BRCC3: variants seen among roughly 807,000 people sequenced by gnomAD.
The protein encoded by BRCC3 is BRCA1/BRCA2-containing complex subunit 3.
BRCC3 carries 15 observed loss-of-function variants against 28.0 expected under a neutral mutation model. The ratio of observed to expected loss-of-function variants is 0.54; its 90% confidence interval spans 0.36 to 0.82. The LOEUF is 0.82. Ranked by LOEUF, BRCC3 falls within the 40% of genes least tolerant of loss-of-function variation. BRCC3 has a pLI of 0.01. For synonymous variants in BRCC3, 66 were observed against 80.3 expected (o/e 0.82, Z 0.95); for missense variants, 109 against 225.9 (o/e 0.48, Z 3.32).
Position 155,121,278 on chromosome X carries a change from A to G in BRCC3, c.*74A>G, listed in dbSNP as rs183710691. 5 of 112,388 alleles carry G rather than the reference A, an allele frequency of 4.4e-5. No homozygotes were observed. In the East Asian group the frequency reaches 1.4e-3, roughly 31 times the overall value. The allele number at this position is 112,388 out of a possible 1,213,427, so 9.3% of individuals were successfully genotyped here. ...TTAAGCTAAATCAATTTCAAAGAAG[A>G]AAAACTTGGAGGACTCATTTTACCT... On this transcript the variant is annotated 3_prime_UTR_variant, in exon 11 of 11. Coordinates refer to ENST00000330045, the MANE Select transcript of BRCC3 (RefSeq NM_001018055.3).
chrX:155,099,507 C>T (rs1389697677), intron 7 of BRCC3: 2 of 1,013,839 alleles, frequency 2.0e-6, no homozygotes, highest in Non-Finnish European at 2.6e-6. Context: ...AGTCAAGTGG[C>T]CATACCTAAG....
chrX:155,107,078 T>C (rs782522649), intron 7 of BRCC3, among the ~76,000 whole-genome samples: 114 of 111,558 alleles, frequency 1.0e-3, no homozygotes, highest in Non-Finnish European at 1.6e-3. Flanking sequence ...GAAACACTGA[T>C]TTTTATTTAG....
At chrX:155,093,657 C>T (rs1364867773) in intron 7 of BRCC3, among the ~76,000 whole-genome samples, 10 of 106,630 alleles carry the variant, frequency 9.4e-5, no homozygotes, top group African/African-American at 3.4e-4. Flanking sequence ...ACTGGTGATG[C>T]TTCCTCTCTC....
chrX:155,107,381 G>A (rs2074291644), intron 7 of BRCC3, among the ~76,000 whole-genome samples: 1 of 108,288 alleles, frequency 9.2e-6, no homozygotes, highest in Non-Finnish European at 1.9e-5. Context: ...TTTCAATTTG[G>A]TATCATGGTG....
intron 5 of BRCC3, among the ~76,000 whole-genome samples, chrX:155,080,381 C>G (rs782307633): frequency 2.0e-4 from 22 of 110,020 alleles, no homozygotes; most frequent in Middle Eastern, 4.7e-3. Flanking sequence ...GGGAGAAGAT[C>G]TGAGCCATTA....
intron 6 of BRCC3, 34 bp downstream of exon 6, chrX:155,089,385 G>T: frequency 1.1e-6 from 1 of 929,454 alleles, no homozygotes; most frequent in Non-Finnish European, 1.5e-6. Flanking sequence ...GTGTGTGTGT[G>T]TGTGTAGGGT....
rs782620384 is a variant in BRCC3 at position 155,116,171 on chromosome X, G to A, written c.663G>A (p.Ala221=). 2.8e-5 allele frequency: 33 copies of A among 1,190,366 alleles called. No individual in the cohort carries two copies. The highest frequency in any genetic ancestry group is 4.6e-5 in the Admixed American group (2 of 43,021). ...TCCTGTGCCAGGAGGAGCAGGATGCGTATAGGAGGATCCACAGGTAGAGAC... is the reference window on the plus strand; with the variant it reads ...TCCTGTGCCAGGAGGAGCAGGATGCATATAGGAGGATCCACAGGTAGAGAC... ...PKILCQEEQD[A]YRRIHSLTHL... Residue 221 remains alanine (A), a synonymous_variant, in exon 8 of 11, where the codon GCG becomes GCA. Transcript: ENST00000330045.
chrX:155,075,253 T>C (rs1345080106), intron 3 of BRCC3, among the ~76,000 whole-genome samples: 2 of 53,482 alleles, frequency 3.7e-5, no homozygotes, highest in African/African-American at 7.4e-4. Context: ...ATTTCACCCT[T>C]GTCCCTTCAA....
intron 5 of BRCC3, among the ~76,000 whole-genome samples, chrX:155,080,696 G>C (rs781792070): frequency 8.9e-6 from 1 of 112,348 alleles, no homozygotes; most frequent in Admixed American, 9.4e-5. Context: ...TTTAGTTGGA[G>C]ACTAGGTCTG....
In BRCC3 at chrX:155,116,131, T is replaced by C; in HGVS notation, c.623T>C (p.Val208Ala). 1 of 1,206,699 alleles carries C rather than the reference T, an allele frequency of 8.3e-7. No individual in the cohort carries two copies. Among genetic ancestry groups the C allele is most frequent in the Middle Eastern group, 2.3e-4 (1 of 4,283 alleles). Residue 208 changes from valine to alanine, a missense_variant, in exon 8 of 11, where the codon GTA (valine) becomes GCA (alanine). Physicochemically the swap from Val to Ala is moderately conservative, Grantham distance 64. Around this residue, in one of 3 missense-constraint regions of BRCC3, gnomAD observed 50 missense variants for 115.2 expected, o/e 0.43. Coordinates refer to ENST00000330045, the MANE Select transcript of BRCC3 (RefSeq NM_001018055.3). ...TIGKVCLESA[V>A]ELPKILCQEE... ...GGGAAAGTGTGCCTTGAATCAGCAG[T>C]AGAGCTGCCCAAGATCCTGTGCCAG...
chrX:155,087,589 C>T (rs1193127225), intron 5 of BRCC3, among the ~76,000 whole-genome samples: 2 of 111,360 alleles, frequency 1.8e-5, no homozygotes, highest in East Asian at 2.8e-4. Context: ...TAAAATCCCC[C>T]AAAGGGTAAG....
chrX:155,104,236 T>G (rs908412812), intron 7 of BRCC3, among the ~76,000 whole-genome samples: 3 of 111,745 alleles, frequency 2.7e-5, no homozygotes, highest in African/African-American at 9.8e-5. Context: ...CTGATAATTT[T>G]TGATTGGATG....
At chrX:155,078,545 G>C (rs1041069607) in intron 4 of BRCC3, 71 bp from the exon 5 acceptor site, 22 of 677,320 alleles carry the variant, frequency 3.2e-5, no homozygotes, top group Non-Finnish European at 5.1e-5. Flanking sequence ...TAAACTTCAG[G>C]GTGCTTTCTG....
At chrX:155,087,295 G>A (rs1386900306) in intron 5 of BRCC3, among the ~76,000 whole-genome samples, 1 of 112,045 alleles carries the variant, frequency 8.9e-6, no homozygotes, top group Admixed American at 9.4e-5. Flanking sequence ...ATGGGGGTAC[G>A]AGGGACTCCC....
intron 7 of BRCC3, among the ~76,000 whole-genome samples, chrX:155,094,782 T>G (rs1019461915): frequency 2.1e-4 from 23 of 112,120 alleles, no homozygotes; most frequent in African/African-American, 6.8e-4. Context: ...CTAGGTGGAT[T>G]GTTACAAAAG....
Position 155,072,347 on chromosome X carries a change from A to T in BRCC3, c.140+4A>T. 1 of 1,187,727 alleles carries T rather than the reference A, an allele frequency of 8.4e-7. No homozygotes were observed. The stretch of plus-strand genomic sequence containing the variant: ...TCTAGTTGAACGATGATACAAGGTA[A>T]GACTGTATTTGTTTACTCATATCTT... On this transcript the variant is annotated splice_donor_region_variant and intron_variant, in intron 2 of 10. Coordinates refer to ENST00000330045, the MANE Select transcript of BRCC3 (RefSeq NM_001018055.3).
At chrX:155,094,494 C>T (rs1441245307) in intron 7 of BRCC3, among the ~76,000 whole-genome samples, 1 of 110,286 alleles carries the variant, frequency 9.1e-6, no homozygotes, top group African/African-American at 3.3e-5. Context: ...GTAGGAGGAA[C>T]AAAAGGGGTC....
intron 7 of BRCC3, among the ~76,000 whole-genome samples, chrX:155,111,585 A>C (rs1320301303): frequency 8.9e-6 from 1 of 111,914 alleles, no homozygotes; most frequent in Non-Finnish European, 1.9e-5. Flanking sequence ...CTGGACCACT[A>C]TCTTCACCCA....
chrX:155,097,580 A>G (rs1489640290), intron 7 of BRCC3, among the ~76,000 whole-genome samples: 1 of 112,237 alleles, frequency 8.9e-6, no homozygotes. Context: ...ATTGAAATCA[A>G]TATCTCAAAA....
Sources: allele counts gnomAD v4.1 joint callset (sites outside exome capture counted in the v4.1 genomes callset), GRCh38; gene constraint gnomAD v4.1.1; regional missense constraint gnomAD v4.1.1; transcripts MANE v1.5; gene names NCBI Gene and HGNC (gene_info 2026-07-23, HGNC 2026-07-21).